GSE1: variants seen among roughly 807,000 people sequenced by gnomAD.
The protein encoded by GSE1 is Gse1 coiled-coil protein.
In GSE1, 32 loss-of-function variants were observed where a neutral mutation model predicts 112.6. The ratio of observed to expected loss-of-function variants is 0.28; its 90% CI spans 0.21 to 0.38. The LOEUF is 0.38. GSE1 is among the 10% of genes least tolerant of loss of function. The pLI, the probability that GSE1 is intolerant of heterozygous loss-of-function variation, is 1.00. For synonymous variants in GSE1, 1,115 were observed against 735.6 expected (o/e 1.52, Z -8.35); for missense variants, 2,348 against 1,699.2 (o/e 1.38, Z -6.71).
chr16:85,615,759 C>A (rs886178921), intron 1 of GSE1, among the ~76,000 whole-genome samples: 4 of 152,212 alleles, frequency 2.6e-5, no homozygotes, highest in African/African-American at 7.2e-5. Context: ...TGTACATCTC[C>A]AAACTCGGTG....
intron 1 of GSE1, among the ~76,000 whole-genome samples, chr16:85,597,695 T>A (rs1389300239): frequency 6.6e-6 from 1 of 152,166 alleles, no homozygotes; most frequent in Non-Finnish European, 1.5e-5. Flanking sequence ...GGTCTCAAAC[T>A]CTTGGGCTCA....
In GSE1 at chr16:85,520,594, G is replaced by GT. The variant is rs371208807; in HGVS notation, c.2465-113312dup. ...CCACCACCACACCTGGCTAATTTTT[G>GT]TTTTTTTTAGTAGAGATGGGGTTTC... is the stretch of plus-strand genomic sequence containing the variant. On this transcript the variant is annotated intron_variant, in intron 2 of 2. Coordinates refer to the GSE1 transcript ENST00000637419. Among the ~76,000 whole-genome samples, 497 of 151,384 alleles carry GT rather than the reference G, an allele frequency of 3.3e-3. 3 individuals are homozygous for GT. The highest frequency in any genetic ancestry group is 0.011 in the African/African-American group (467 of 41,242).
Position 85,195,210 on chromosome 16 carries a change from T to C in GSE1, c.2283+23403T>C, listed in dbSNP as rs528902848. 2.0e-5 allele frequency among the ~76,000 whole-genome samples: 3 copies of C among 152,292 alleles called. No individual in the cohort carries two copies. The East Asian group carries it at 5.8e-4, about 29-fold the overall frequency. On this transcript the variant is annotated intron_variant, in intron 1 of 2. Transcript: ENST00000637419. ...AGATTTAAAAAACCCACAGAGGAGC[T>C]TGAGCTCCATTCACTGGGGCGGTAA...
At chr16:85,414,945 T>G (rs145168630) in intron 2 of GSE1, among the ~76,000 whole-genome samples, 294 of 152,262 alleles carry the variant, frequency 1.9e-3, no homozygotes, top group African/African-American at 6.7e-3. Context: ...CTGATTTTAT[T>G]TTTATTTATT....
rs1444462205 is a variant in GSE1, at chr16:85,346,409, G to T, written c.2284-11054G>T. Among the ~76,000 whole-genome samples, 5 of 115,234 alleles carry T rather than the reference G, an allele frequency of 4.3e-5. No homozygotes were observed. In the South Asian group the frequency reaches 1.9e-3, roughly 43 times the overall value. The allele number at this position is 115,234 out of a possible 152,430, so 75.6% of individuals were successfully genotyped here. A position where few individuals can be genotyped will look rare whatever the true frequency, so the allele number is the denominator to read the frequency against. On this transcript the variant is annotated intron_variant, in intron 1 of 2. Coordinates refer to the GSE1 transcript ENST00000637419. ...GATGATGGATGGATGGATGATGGGC[G>T]GGTGGATGGGTGATGGACAGGTGGA...
chr16:85,664,784 C>G (rs574268776), intron 11 of GSE1: 2 of 489,110 alleles, frequency 4.1e-6, no homozygotes, highest in Middle Eastern at 5.3e-4. Flanking sequence ...ACCGCACGGA[C>G]AGCTGTCTTT....
At chr16:85,538,944 T>C (rs1010300792) in intron 2 of GSE1, among the ~76,000 whole-genome samples, 2 of 152,050 alleles carry the variant, frequency 1.3e-5, no homozygotes, top group African/African-American at 4.8e-5. Context: ...TACAGCTGTG[T>C]TCACCAGGAG....
intron 1 of GSE1, among the ~76,000 whole-genome samples, chr16:85,270,907 C>A (rs1215113351): frequency 6.6e-6 from 1 of 152,224 alleles, no homozygotes; most frequent in Non-Finnish European, 1.5e-5. Context: ...CCGGTGCAGG[C>A]ACACAGACCT....
chr16:85,555,976 A>C (rs2045189732), exon 1 of GSE1: 1 of 983,530 alleles, frequency 1.0e-6, no homozygotes, highest in East Asian at 1.2e-4. Flanking sequence ...TTGCATCTCA[A>C]GTCCAAAAGG....
At chr16:85,309,441 C>G (rs58993504) in intron 1 of GSE1, among the ~76,000 whole-genome samples, 5,527 of 152,234 alleles carry the variant, frequency 0.036, 325 homozygotes, top group African/African-American at 0.12. Flanking sequence ...CTGCCATGAG[C>G]CATGATCACA....
intron 1 of GSE1, among the ~76,000 whole-genome samples, chr16:85,299,668 C>T (rs2045464473): frequency 6.6e-6 from 1 of 152,188 alleles, no homozygotes; most frequent in Admixed American, 6.5e-5. Context: ...TAGCTCACAC[C>T]TATAATCCCA....
chr16:85,431,561 G>A (rs1597734461), intron 2 of GSE1, among the ~76,000 whole-genome samples: 1 of 152,224 alleles, frequency 6.6e-6, no homozygotes, highest in African/African-American at 2.4e-5. Flanking sequence ...ATCAGGGCTG[G>A]AAAGTCGCCT....
intron 1 of GSE1, among the ~76,000 whole-genome samples, chr16:85,627,059 T>TTTTTTTTTTTTTTTTTTTTTTTTTG (rs2049139728): frequency 8.8e-6 from 1 of 114,096 alleles, no homozygotes; most frequent in African/African-American, 3.4e-5. Context: ...TTTTTTTTTT[T>TTTTTTTTTTTTTTTTTTTTTTTTTG]TTTTTTTTTT....
intron 1 of GSE1, among the ~76,000 whole-genome samples, chr16:85,349,000 C>T (rs746905621): frequency 6.6e-6 from 1 of 152,104 alleles, no homozygotes; most frequent in Non-Finnish European, 1.5e-5. Context: ...GCAGCCGGAG[C>T]GGCCCTAATT....
chr16:85,567,067 C>T (rs887294267), intron 1 of GSE1, among the ~76,000 whole-genome samples: 42 of 150,930 alleles, frequency 2.8e-4, no homozygotes, highest in African/African-American at 1.0e-3. Flanking sequence ...CACCCCCACC[C>T]CCCTCCGCCC....
At chr16:85,367,844 C>CT (rs5818532) in intron 2 of GSE1, among the ~76,000 whole-genome samples, 49,736 of 114,656 alleles carry the variant, frequency 0.43, 12,086 homozygotes, top group South Asian at 0.61. Context: ...AAATAAGATT[C>CT]TTTTTTTTTT....
intron 1 of GSE1, among the ~76,000 whole-genome samples, chr16:85,564,377 T>C (rs1306656579): frequency 1.3e-5 from 2 of 151,996 alleles, no homozygotes; most frequent in African/African-American, 4.8e-5. Context: ...CCTGCCCACG[T>C]TGTGGTGTTG....
At chr16:85,186,728 G>T (rs2074710425) in intron 1 of GSE1, among the ~76,000 whole-genome samples, 1 of 152,288 alleles carries the variant, frequency 6.6e-6, no homozygotes, top group South Asian at 2.1e-4. Context: ...TCATGCCACT[G>T]CACTCCAGCC....
intron 1 of GSE1, among the ~76,000 whole-genome samples, chr16:85,229,073 G>A (rs1052519950): frequency 2.6e-5 from 4 of 152,246 alleles, no homozygotes; most frequent in African/African-American, 7.2e-5. Context: ...AAACACATCC[G>A]CTGGGGAGTT....
Sources: gnomAD v4.1 joint callset for allele counts (sites outside exome capture counted in the v4.1 genomes callset) on GRCh38, gnomAD v4.1.1 for gene constraint, MANE v1.5 for transcripts, NCBI Gene and HGNC (gene_info 2026-07-23, HGNC 2026-07-21) for gene names.